STAC: variants seen among roughly 807,000 people sequenced by gnomAD.
STAC encodes SH3 and cysteine-rich domain-containing protein.
Under a neutral mutation model 48.8 loss-of-function variants are expected in STAC, and 43 were observed. The observed-to-expected ratio is 0.88, with a 90% CI of 0.69 to 1.14. STAC has a LOEUF of 1.14. STAC is among the 50% of genes most tolerant of loss of function. The pLI, the probability that STAC is intolerant of heterozygous loss-of-function variation, is 0.00. For synonymous variants in STAC, 193 were observed against 179.5 expected, an observed-to-expected ratio of 1.07 and a Z score of -0.60; for missense variants, 497 against 504.0, an observed-to-expected ratio of 0.99 and a Z score of 0.13.
Position 36,485,074 on chromosome 3 carries a change from G to A in STAC, c.571+16G>A. On this transcript the variant is annotated intron_variant, in intron 4 of 10. Transcript: ENST00000273183. ...ATGCCCATTGGTGAGTTGGGACATT[G>A]ATGGGTTGAGTTGAGTTTGAAGCAG... 6.3e-7 allele frequency: 1 copy of A among 1,592,654 alleles called. No homozygotes were observed. The highest frequency in any genetic ancestry group is 8.6e-7 in the Non-Finnish European group (1 of 1,169,152).
intron 1 of STAC, among the ~76,000 whole-genome samples, chr3:36,409,018 G>C (rs753736203): frequency 2.0e-5 from 3 of 152,102 alleles, no homozygotes; most frequent in South Asian, 4.1e-4. Context: ...AAACATTAAT[G>C]ATGATGATGA....
intron 2 of STAC, among the ~76,000 whole-genome samples, chr3:36,448,158 A>T (rs1037666770): frequency 9.9e-6 from 1 of 100,976 alleles, no homozygotes; most frequent in African/African-American, 4.3e-5. Flanking sequence ...TGGTCACAGA[A>T]TTTTATTTTA....
chr3:36,465,553 GT>G (rs1212654960), intron 2 of STAC, among the ~76,000 whole-genome samples: 1 of 152,006 alleles, frequency 6.6e-6, no homozygotes, highest in African/African-American at 2.4e-5. Context: ...ATCTAGAAGG[GT>G]TTTTCCAATG....
chr3:36,467,625 C>G (rs1697215176), intron 2 of STAC, among the ~76,000 whole-genome samples: 1 of 151,912 alleles, frequency 6.6e-6, no homozygotes, highest in Non-Finnish European at 1.5e-5. Flanking sequence ...TCTAGATTAT[C>G]CACATAAAGG....
At chr3:36,529,542 C>T (rs542796019) in intron 10 of STAC, among the ~76,000 whole-genome samples, 8 of 152,172 alleles carry the variant, frequency 5.3e-5, no homozygotes, top group Non-Finnish European at 1.0e-4. Flanking sequence ...GTGCCTGTCA[C>T]CATCTTGCTC....
rs375501118 is a variant in STAC, at chr3:36,464,684, T to C, written c.389-18308T>C. Among the ~76,000 whole-genome samples the C allele has an allele frequency of 7.9e-5, 12 of 152,312 alleles. No individual in the cohort carries two copies. The South Asian group carries it at 8.3e-4, about 11-fold the overall frequency. ...GCTCCCACATATTAGTGAGATCATA[T>C]GATGTTTGGTTTTCCATTCCTGAGT... On this transcript the variant is annotated intron_variant, in intron 2 of 10. Transcript: ENST00000273183.
At position 36,443,353 on chromosome 3, in the gene STAC, T is replaced by C. The variant is rs763172446; in HGVS notation, c.112-11T>C. 6.8e-6 allele frequency: 11 copies of C among 1,614,074 alleles called. No homozygotes were observed. The East Asian group carries it at 2.2e-4, about 33-fold the overall frequency. ...GATCGTAAGAGAGACTGTTCTGTCA[T>C]TGCATTGCAGCTCCAGAAACTAAAA... On this transcript the variant is annotated splice_polypyrimidine_tract_variant and intron_variant, in intron 1 of 10. Coordinates refer to ENST00000273183, the MANE Select transcript of STAC (RefSeq NM_003149.3). This position sits in a 1 kb window ranked among gnomAD's most constrained non-coding sequence, Gnocchi z 4.2.
intron 1 of STAC, among the ~76,000 whole-genome samples, chr3:36,386,407 GA>G (rs33997783): frequency 2.7e-4 from 40 of 145,606 alleles, no homozygotes; most frequent in Middle Eastern, 3.5e-3. Flanking sequence ...CTTCTACACT[GA>G]AAAAAAAAAG....
Position 36,415,616 on chromosome 3 carries a change from C to A in STAC, c.112-27748C>A, listed in dbSNP as rs151184717. 1.1e-3 allele frequency among the ~76,000 whole-genome samples: 163 copies of A among 152,332 alleles called. 1 individual carries two copies. The highest frequency in any genetic ancestry group is 3.6e-3 in the African/African-American group (149 of 41,578). ...CGGCTCACCGTTGGTGCACTGCACCCACTGTCCGGCACCCACTGTCTGACA... is the reference window on the plus strand; with the variant it reads ...CGGCTCACCGTTGGTGCACTGCACCAACTGTCCGGCACCCACTGTCTGACA... On this transcript the variant is annotated intron_variant, in intron 1 of 10. Coordinates refer to ENST00000273183, the MANE Select transcript of STAC (RefSeq NM_003149.3).
chr3:36,456,650 C>T (rs980627602), intron 2 of STAC, among the ~76,000 whole-genome samples: 1 of 152,152 alleles, frequency 6.6e-6, no homozygotes, highest in African/African-American at 2.4e-5. Flanking sequence ...TTAAATACAT[C>T]CACAGTGAGA....
rs552675257 is a variant in STAC, at chr3:36,497,593, C to T, written c.766+4364C>T. ...GGTTGGATGAAAGACCCTTTTGAAACATATTAATACCCCAAAAGATACCCT... is the reference window on the plus strand; with the variant it reads ...GGTTGGATGAAAGACCCTTTTGAAATATATTAATACCCCAAAAGATACCCT... On this transcript the variant is annotated intron_variant, in intron 6 of 10. Transcript: ENST00000273183. Among the ~76,000 whole-genome samples the T allele has an allele frequency of 7.2e-5, 11 of 152,162 alleles. No homozygotes were observed. The East Asian group carries it at 1.7e-3, about 24-fold the overall frequency.
At chr3:36,524,076 T>G (rs1021659849) in intron 8 of STAC, among the ~76,000 whole-genome samples, 1 of 151,998 alleles carries the variant, frequency 6.6e-6, no homozygotes, top group African/African-American at 2.4e-5. Flanking sequence ...TGTAGATTGA[T>G]TAATTTGAAT....
intron 8 of STAC, among the ~76,000 whole-genome samples, chr3:36,514,767 G>A (rs1309689160): frequency 1.3e-5 from 2 of 152,178 alleles, no homozygotes; most frequent in South Asian, 2.1e-4. Context: ...GGGCGCAGTG[G>A]CTCATGCCTG....
chr3:36,545,436 T>G (rs1699423119), intron 10 of STAC, among the ~76,000 whole-genome samples: 1 of 152,194 alleles, frequency 6.6e-6, no homozygotes, highest in African/African-American at 2.4e-5. Flanking sequence ...CAAGGAACCC[T>G]GTGTCAGGTT....
chr3:36,443,740 C>T lies in STAC; in HGVS notation c.388+100C>T, dbSNP rs1048985749. On this transcript the variant is annotated intron_variant, in intron 2 of 10. Coordinates refer to ENST00000273183, the MANE Select transcript of STAC (RefSeq NM_003149.3). This position sits in a 1 kb window ranked among gnomAD's most constrained non-coding sequence, Gnocchi z 4.2. ...AGGTACCTACGGACAGATGCTAGGC[C>T]TCAGAGATTTACATGTGGGAAGATC... The T allele has an allele frequency of 1.0e-5, 15 of 1,439,068 alleles. No individual in the cohort carries two copies. Among genetic ancestry groups the T allele is most frequent in the Middle Eastern group, 3.8e-4 (2 of 5,286 alleles). The allele number at this position is 1,439,068 out of a possible 1,614,324, so 89.1% of individuals were successfully genotyped here.
chr3:36,397,432 T>A (rs1699876971), intron 1 of STAC, among the ~76,000 whole-genome samples: 1 of 152,236 alleles, frequency 6.6e-6, no homozygotes. Context: ...TCTGAGTGGA[T>A]CTTTTTAAGC....
chr3:36,408,421 G>A (rs1373111017), intron 1 of STAC, among the ~76,000 whole-genome samples: 1 of 152,142 alleles, frequency 6.6e-6, no homozygotes, highest in Non-Finnish European at 1.5e-5. Flanking sequence ...CTACCCCAAA[G>A]CCACTTATTC....
chr3:36,453,037 C>T (rs1428245490), intron 2 of STAC, among the ~76,000 whole-genome samples: 1 of 152,238 alleles, frequency 6.6e-6, no homozygotes, highest in Non-Finnish European at 1.5e-5. Context: ...TATCTGAACC[C>T]CATTTTGGGT....
intron 1 of STAC, among the ~76,000 whole-genome samples, chr3:36,398,690 A>AAAGAAAGAAAGAAAGAAAGAAAGAAAG (rs755154028): frequency 2.1e-5 from 3 of 141,000 alleles, no homozygotes; most frequent in East Asian, 4.1e-4. Flanking sequence ...AGAAAGAAAG[A>AAAGAAAGAAAGAAAGAAAGAAAGAAAG]AAAGAAAGAA....
Sources: allele counts gnomAD v4.1 joint callset (sites outside exome capture counted in the v4.1 genomes callset), GRCh38; gene constraint gnomAD v4.1.1; non-coding constraint Gnocchi (gnomAD v3.1); transcripts MANE v1.5; gene names NCBI Gene and HGNC (gene_info 2026-07-23, HGNC 2026-07-21).